The following CNBD1 variants were observed in gnomAD, a reference collection of about 807,000 sequenced individuals.
CNBD1 encodes the protein cyclic nucleotide-binding domain-containing protein 1.
In CNBD1, 71 loss-of-function variants were observed where a neutral mutation model predicts 54.4. The observed-to-expected ratio is 1.30, with a 90% CI of 1.08 to 1.59. CNBD1 has a LOEUF of 1.59. Ranked by LOEUF, CNBD1 falls within the 40% of genes most tolerant of loss-of-function variation. The pLI, the probability that CNBD1 is intolerant of heterozygous loss-of-function variation, is 0.00. For missense variants in CNBD1, 659 were observed against 518.0 expected, an observed-to-expected ratio of 1.27 and a Z score of -2.64; for synonymous variants, 182 against 170.7, an observed-to-expected ratio of 1.07 and a Z score of -0.51.
At chr8:87,346,316 A>G (rs2130923807) in intron 8 of CNBD1, among the ~76,000 whole-genome samples, 1 of 152,290 alleles carries the variant, frequency 6.6e-6, no homozygotes, top group Middle Eastern at 3.4e-3. Context: ...TGCTGGTATC[A>G]CAGGTGTGAG....
chr8:87,416,119 A>T (rs1807829903), intron 2 of CNBD1, among the ~76,000 whole-genome samples: 1 of 150,686 alleles, frequency 6.6e-6, no homozygotes, highest in Admixed American at 6.6e-5. Context: ...TCATATTTGT[A>T]TATTTTTAAC....
intron 1 of CNBD1, among the ~76,000 whole-genome samples, chr8:86,871,723 A>G (rs1429529649): frequency 6.6e-6 from 1 of 152,186 alleles, no homozygotes; most frequent in African/African-American, 2.4e-5. Flanking sequence ...ATGTAAAGTT[A>G]CAGCTTTCCA....
At chr8:87,292,425 T>C (rs1425530731) in intron 8 of CNBD1, among the ~76,000 whole-genome samples, 1 of 152,226 alleles carries the variant, frequency 6.6e-6, no homozygotes, top group East Asian at 1.9e-4. Context: ...TTTTTATTTT[T>C]GGTCATCATG....
chr8:87,260,728 G>A (rs1274142472), intron 6 of CNBD1, among the ~76,000 whole-genome samples: 1 of 151,854 alleles, frequency 6.6e-6, no homozygotes, highest in Non-Finnish European at 1.5e-5. Flanking sequence ...CAACACAGAA[G>A]AAAATCTTTT....
At chr8:87,349,009 T>G (rs751787403) in intron 8 of CNBD1, among the ~76,000 whole-genome samples, 19 of 152,320 alleles carry the variant, frequency 1.2e-4, no homozygotes, top group Admixed American at 2.6e-4. Flanking sequence ...TGAGTCTTGA[T>G]AAGGGTCTTT....
intron 4 of CNBD1, among the ~76,000 whole-genome samples, chr8:87,199,755 T>C (rs1302396290): frequency 6.6e-6 from 1 of 152,186 alleles, no homozygotes; most frequent in African/African-American, 2.4e-5. Context: ...TTGTCAACAA[T>C]GAGTATTTCT....
Position 87,290,829 on chromosome 8 carries a change from G to A in CNBD1, c.1042+4158G>A, listed in dbSNP as rs138714026. ...TTCTATTGTTTCTGATGTGAAGACA[G>A]CTGTTAATTTTATTGGGATTCACTT... On this transcript the variant is annotated intron_variant, in intron 8 of 10. Transcript: ENST00000518476. Among the ~76,000 whole-genome samples, 1,403 of 152,206 alleles carry A rather than the reference G, an allele frequency of 9.2e-3. 8 individuals carry two copies. The highest frequency in any genetic ancestry group is 0.023 in the South Asian group (113 of 4,820).
intron 2 of CNBD1, among the ~76,000 whole-genome samples, chr8:87,425,367 T>C (rs1416671722): frequency 6.6e-6 from 1 of 152,270 alleles, no homozygotes; most frequent in Non-Finnish European, 1.5e-5. Flanking sequence ...GGTGAGGAGC[T>C]GCGTTCCTTT....
At chr8:87,214,076 A>G (rs988402252) in intron 5 of CNBD1, among the ~76,000 whole-genome samples, 6 of 152,214 alleles carry the variant, frequency 3.9e-5, no homozygotes, top group Non-Finnish European at 5.9e-5. Flanking sequence ...GTGGGTTCCC[A>G]TATCTTGGGC....
At chr8:87,346,592 A>C (rs1239127601) in intron 8 of CNBD1, among the ~76,000 whole-genome samples, 1 of 151,962 alleles carries the variant, frequency 6.6e-6, no homozygotes, top group Non-Finnish European at 1.5e-5. Flanking sequence ...TATATACACA[A>C]AAATGTATAA....
At chr8:87,394,941 C>A (rs184523561) in intron 2 of CNBD1, among the ~76,000 whole-genome samples, 40 of 151,962 alleles carry the variant, frequency 2.6e-4, no homozygotes, top group Non-Finnish European at 7.4e-5. Context: ...TAAGTAAATT[C>A]ACTAACCCAC....
At chr8:87,218,724 A>G (rs938952549) in intron 5 of CNBD1, among the ~76,000 whole-genome samples, 5 of 152,032 alleles carry the variant, frequency 3.3e-5, no homozygotes, top group African/African-American at 9.7e-5. Context: ...TTGTTTTGAT[A>G]TAAATTTTAA....
chr8:87,377,185 G>A (rs1810965037), intron 10 of CNBD1, among the ~76,000 whole-genome samples: 1 of 148,292 alleles, frequency 6.7e-6, no homozygotes, highest in South Asian at 2.1e-4. Flanking sequence ...AAGTTTTACG[G>A]TACATGTGCA....
chr8:87,323,743 T>A (rs1476591524), intron 8 of CNBD1, among the ~76,000 whole-genome samples: 5 of 130,806 alleles, frequency 3.8e-5, no homozygotes, highest in South Asian at 2.3e-4. Context: ...TCATGTCATC[T>A]GCAAACAGGG....
intron 4 of CNBD1, among the ~76,000 whole-genome samples, chr8:87,041,072 A>C (rs6997407): frequency 0.032 from 4,814 of 152,178 alleles, 265 homozygotes; most frequent in African/African-American, 0.11. Context: ...AAGTAATAGC[A>C]AAAACTGCAA....
intron 3 of CNBD1, among the ~76,000 whole-genome samples, chr8:86,925,494 T>A (rs1472897659): frequency 4.0e-5 from 3 of 74,934 alleles, no homozygotes; most frequent in African/African-American, 1.3e-4. Context: ...TGTGTGTGTG[T>A]GTGTGTGTGT....
chr8:87,291,444 G>A (rs1808782343), intron 8 of CNBD1, among the ~76,000 whole-genome samples: 1 of 152,082 alleles, frequency 6.6e-6, no homozygotes, highest in African/African-American at 2.4e-5. Flanking sequence ...TTCTGCTAAA[G>A]AGCAGATACT....
At chr8:87,302,556 T>A (rs1361275566) in intron 8 of CNBD1, among the ~76,000 whole-genome samples, 8 of 151,906 alleles carry the variant, frequency 5.3e-5, no homozygotes, top group Non-Finnish European at 7.4e-5. Flanking sequence ...ACTGGAAGCA[T>A]TCCCTTTGAA....
chr8:86,980,387 T>C (rs1417794673), intron 4 of CNBD1, among the ~76,000 whole-genome samples: 3 of 152,236 alleles, frequency 2.0e-5, no homozygotes, highest in Non-Finnish European at 4.4e-5. Flanking sequence ...ATATTTACTG[T>C]ACACATTTAT....
Sources: allele counts gnomAD v4.1 joint callset (sites outside exome capture counted in the v4.1 genomes callset), GRCh38; gene constraint gnomAD v4.1.1; transcripts MANE v1.5; gene names NCBI Gene and HGNC (gene_info 2026-07-23, HGNC 2026-07-21).